Variants in ZC2HC1A observed in about 807,000 individuals in gnomAD.
ZC2HC1A encodes zinc finger C2HC-type containing 1A.
Under a neutral mutation model 40.7 loss-of-function variants are expected in ZC2HC1A, and 28 were observed. The observed-to-expected ratio is 0.69, with a 90% CI of 0.51 to 0.94. The LOEUF (loss-of-function observed/expected upper bound fraction) is 0.94. ZC2HC1A is among the 40% of genes least tolerant of loss of function. The probability of loss-of-function intolerance (pLI) is 0.00; values close to 1 mark genes in which losing one functional copy is unlikely to be tolerated. For synonymous variants in ZC2HC1A, 129 were observed against 129.2 expected (o/e 1.00, Z 0.01); for missense variants, 389 against 386.3 (o/e 1.01, Z -0.06).
Position 78,693,211 on chromosome 8 carries a change from T to C in ZC2HC1A, c.504+3838T>C, listed in dbSNP as rs555073318. On this transcript the variant is annotated intron_variant, in intron 5 of 8. Coordinates refer to ENST00000263849, the MANE Select transcript of ZC2HC1A (RefSeq NM_016010.3). The stretch of plus-strand genomic sequence containing the variant: ...AAACATACGTGTTTATGTGTCTTTA[T>C]AGCAGCATGATTTATAGTCCTTTGG... 1.2e-3 allele frequency among the ~76,000 whole-genome samples: 188 copies of C among 152,290 alleles called. 7 individuals are homozygous for C. In the South Asian group the frequency reaches 0.034, roughly 28 times the overall value.
intron 7 of ZC2HC1A, among the ~76,000 whole-genome samples, chr8:78,705,796 T>C (rs945434810): frequency 6.6e-6 from 1 of 151,890 alleles, no homozygotes. Context: ...GAGGTCCCAG[T>C]TGGGAGGTTC....
intron 7 of ZC2HC1A, 48 bp downstream of exon 7, chr8:78,698,561 A>G (rs1810507361): frequency 7.4e-7 from 1 of 1,343,168 alleles, no homozygotes; most frequent in Admixed American, 2.4e-5. Flanking sequence ...ATTAAACGAT[A>G]CTAAGGTTTT....
chr8:78,715,265 G>A lies in ZC2HC1A; in HGVS notation c.749G>A (p.Arg250Lys). Reference protein sequence around the residue: ...PRNSTPPSLARNPAPGVLTNK... With the variant: ...PRNSTPPSLAKNPAPGVLTNK... Reference sequence around the variant, plus strand: ...AATTCCACACCACCTAGTTTGGCAAGAAATCCTGCCCCAGGTGTGCTTACA... The same window carrying A: ...AATTCCACACCACCTAGTTTGGCAAAAAATCCTGCCCCAGGTGTGCTTACA... The change falls in exon 8 of 9, where the codon AGA becomes AAA. Residue 250 changes from arginine (R) to lysine (K), a missense_variant. Coordinates refer to ENST00000263849, the MANE Select transcript of ZC2HC1A (RefSeq NM_016010.3). 2.5e-6 allele frequency: 4 copies of A among 1,613,810 alleles called. No individual in the cohort carries two copies. The highest frequency in any genetic ancestry group is 3.4e-6 in the Non-Finnish European group (4 of 1,179,892).
At position 78,719,676 on chromosome 8, in the gene ZC2HC1A, A is replaced by G. The variant is rs1398728172; in HGVS notation, c.*2183A>G. ...GTTGAAAAAGATGATTGTGGTGACT[A>G]TTATTTCTTGTCCACTATTTGTTTT... On this transcript the variant is annotated 3_prime_UTR_variant, in exon 9 of 9. Coordinates refer to ENST00000263849, the MANE Select transcript of ZC2HC1A (RefSeq NM_016010.3). 6.6e-6 allele frequency: 1 copy of G among 151,736 alleles called. No individual in the cohort carries two copies. The highest frequency in any genetic ancestry group is 1.5e-5 in the Non-Finnish European group (1 of 67,674). The allele number at this position is 151,736 out of a possible 1,614,324, so 9.4% of individuals were successfully genotyped here. A position where few individuals can be genotyped will look rare whatever the true frequency, so the allele number is the denominator to read the frequency against.
intron 5 of ZC2HC1A, 90 bp from the exon 6 acceptor site, chr8:78,697,316 TA>T: frequency 9.4e-7 from 1 of 1,068,560 alleles, no homozygotes; most frequent in Non-Finnish European, 1.3e-6. Flanking sequence ...GCTGAAATCC[TA>T]AACCCAAAGA....
At chr8:78,703,527 A>T (rs1316250918) in intron 7 of ZC2HC1A, among the ~76,000 whole-genome samples, 2 of 129,498 alleles carry the variant, frequency 1.5e-5, no homozygotes, top group Non-Finnish European at 3.2e-5. Flanking sequence ...ACCATTATGT[A>T]ATACCCTTCT....
chr8:78,712,786 T>C (rs1288330257), intron 7 of ZC2HC1A, among the ~76,000 whole-genome samples: 1 of 152,170 alleles, frequency 6.6e-6, no homozygotes, highest in Non-Finnish European at 1.5e-5. Context: ...ATTTTAAATA[T>C]GAAATTAGGG....
chr8:78,697,826 G>GT (rs1327132175), intron 6 of ZC2HC1A, among the ~76,000 whole-genome samples: 1 of 151,770 alleles, frequency 6.6e-6, no homozygotes, highest in Non-Finnish European at 1.5e-5. Context: ...CTATAGGCGG[G>GT]TGCCACCATG....
intron 7 of ZC2HC1A, among the ~76,000 whole-genome samples, chr8:78,714,362 C>A (rs1811034757): frequency 6.6e-6 from 1 of 152,048 alleles, no homozygotes; most frequent in East Asian, 1.9e-4. Flanking sequence ...GGAGTAAGCA[C>A]TATTATATAA....
intron 8 of ZC2HC1A, among the ~76,000 whole-genome samples, chr8:78,716,744 C>A (rs144301599): frequency 6.6e-6 from 1 of 152,246 alleles, no homozygotes; most frequent in Non-Finnish European, 1.5e-5. Context: ...CTGCCCAAAT[C>A]TCATGTCAAA....
intron 7 of ZC2HC1A, among the ~76,000 whole-genome samples, chr8:78,712,411 G>GT (rs959249787): frequency 2.6e-5 from 4 of 151,648 alleles, no homozygotes; most frequent in Admixed American, 6.6e-5. Context: ...AGTAATTAGG[G>GT]TTTTTTGTAA....
Position 78,698,426 on chromosome 8 carries a change from G to T in ZC2HC1A, c.617G>T (p.Gly206Val). ...AGKTVVGVPS[G>V]KVSSSSSSLG... The stretch of plus-strand genomic sequence containing the variant: ...TTTTTATTATAAGGTGTTCCTTCAG[G>T]TAAAGTGTCTTCAAGTAGCAGCTCT... Residue 206 changes from glycine (G) to valine (V), a missense_variant, in exon 7 of 9, where the codon GGT (glycine) becomes GTT (valine). Gly to Val is a moderately radical substitution (Grantham distance 109). Coordinates refer to ENST00000263849, the MANE Select transcript of ZC2HC1A (RefSeq NM_016010.3). 1 of 1,611,956 alleles carries T rather than the reference G, an allele frequency of 6.2e-7. No individual in the cohort carries two copies. Among genetic ancestry groups the T allele is most frequent in the Non-Finnish European group, 8.5e-7 (1 of 1,179,042 alleles).
chr8:78,706,393 G>A (rs1476595610), intron 7 of ZC2HC1A, among the ~76,000 whole-genome samples: 4 of 152,098 alleles, frequency 2.6e-5, no homozygotes, highest in African/African-American at 9.7e-5. Flanking sequence ...GCCTGTGCCG[G>A]AGCAGCTGCT....
At chr8:78,684,170 A>C (rs1389456435) in intron 3 of ZC2HC1A, among the ~76,000 whole-genome samples, 1 of 151,992 alleles carries the variant, frequency 6.6e-6, no homozygotes, top group Non-Finnish European at 1.5e-5. Flanking sequence ...GCAGTACCCC[A>C]CTCCACCAGT....
At chr8:78,702,220 T>C (rs907663211) in intron 7 of ZC2HC1A, among the ~76,000 whole-genome samples, 2 of 152,168 alleles carry the variant, frequency 1.3e-5, no homozygotes, top group African/African-American at 4.8e-5. Context: ...TGTCCAGGAA[T>C]TTATCCATTT....
chr8:78,688,263 C>T (rs922609080), intron 4 of ZC2HC1A, among the ~76,000 whole-genome samples: 1 of 151,940 alleles, frequency 6.6e-6, no homozygotes, highest in South Asian at 2.1e-4. Context: ...AGCTACATTT[C>T]TCATGTCTAA....
intron 1 of ZC2HC1A, among the ~76,000 whole-genome samples, chr8:78,673,867 G>A (rs1809500209): frequency 6.6e-6 from 1 of 151,408 alleles, no homozygotes; most frequent in African/African-American, 2.4e-5. Flanking sequence ...ATATTTCTTT[G>A]GGGGATAATT....
intron 5 of ZC2HC1A, among the ~76,000 whole-genome samples, chr8:78,693,378 T>C (rs1186576624): frequency 6.6e-6 from 1 of 152,120 alleles, no homozygotes; most frequent in Non-Finnish European, 1.5e-5. Flanking sequence ...TTTCTCCACA[T>C]CCTCTCCAGC....
intron 8 of ZC2HC1A, among the ~76,000 whole-genome samples, chr8:78,716,590 A>G (rs1037351992): frequency 6.6e-6 from 1 of 152,166 alleles, no homozygotes; most frequent in Admixed American, 6.5e-5. Flanking sequence ...CTTGAAACCT[A>G]AGGATCTCTA....
Sources: allele counts gnomAD v4.1 joint callset (sites outside exome capture counted in the v4.1 genomes callset), GRCh38; gene constraint gnomAD v4.1.1; transcripts MANE v1.5; gene names NCBI Gene and HGNC (gene_info 2026-07-23, HGNC 2026-07-21).